The following USP22 variants were observed in gnomAD, a reference collection of about 807,000 sequenced individuals.
USP22 encodes ubiquitin carboxyl-terminal hydrolase 22.
Under a neutral mutation model 68.1 loss-of-function variants are expected in USP22, and 22 were observed. The observed-to-expected ratio is 0.32, with a 90% CI of 0.23 to 0.46. The LOEUF (loss-of-function observed/expected upper bound fraction) is 0.46. Among genes scored for constraint, USP22 ranks in the 20% least tolerant of loss-of-function variants. The probability of loss-of-function intolerance (pLI) is 1.00; values close to 1 mark genes in which losing one functional copy is unlikely to be tolerated. For synonymous variants in USP22, 279 were observed against 274.2 expected, an observed-to-expected ratio of 1.02 and a Z score of -0.17; for missense variants, 433 against 695.8, an observed-to-expected ratio of 0.62 and a Z score of 4.25.
chr17:21,029,975 G>T (rs1330500576), intron 1 of USP22, among the ~76,000 whole-genome samples: 1 of 152,214 alleles, frequency 6.6e-6, no homozygotes, highest in Non-Finnish European at 1.5e-5. Flanking sequence ...GTTGCTGAAT[G>T]ATTCCTCTAA....
intron 10 of USP22, 116 bp downstream of exon 10, chr17:21,006,780 G>A (rs1246230326): frequency 1.5e-5 from 11 of 753,882 alleles, no homozygotes; most frequent in Admixed American, 3.6e-5. Flanking sequence ...TGGGATTACA[G>A]GCGGGAGCCA....
At chr17:21,037,019 G>A (rs1972366451) in intron 1 of USP22, among the ~76,000 whole-genome samples, 1 of 152,296 alleles carries the variant, frequency 6.6e-6, no homozygotes, top group South Asian at 2.1e-4. Flanking sequence ...AAGTAAGGAA[G>A]TGCTCAAAAA....
chr17:21,020,386 G>C (rs1373622987), intron 3 of USP22, among the ~76,000 whole-genome samples: 1 of 152,182 alleles, frequency 6.6e-6, no homozygotes, highest in Non-Finnish European at 1.5e-5. Context: ...GGTGGCGACG[G>C]CAAGTGCAAA....
At chr17:21,038,356 G>A (rs1299577487) in intron 1 of USP22, among the ~76,000 whole-genome samples, 1 of 152,142 alleles carries the variant, frequency 6.6e-6, no homozygotes, top group Non-Finnish European at 1.5e-5. Context: ...ACCTGGCTGA[G>A]CCAGTAAAGA....
intron 1 of USP22, among the ~76,000 whole-genome samples, chr17:21,037,334 T>C (rs1972369856): frequency 6.6e-6 from 1 of 152,164 alleles, no homozygotes; most frequent in Admixed American, 6.5e-5. Flanking sequence ...GTGACTCCCT[T>C]CTATTATAAA....
chr17:21,000,614 G>A lies in USP22; in HGVS notation c.*2417C>T, dbSNP rs1253564961. The A allele has an allele frequency of 6.6e-6, 1 of 152,230 alleles. No homozygotes were observed. The highest frequency in any genetic ancestry group is 2.4e-5 in the African/African-American group (1 of 41,442). The allele number at this position is 152,230 out of a possible 1,614,324, so 9.4% of individuals were successfully genotyped here. A position where few individuals can be genotyped will look rare whatever the true frequency, so the allele number is the denominator to read the frequency against. ...GGGAGGCAGGGTCTGGCCAAACCCA[G>A]GCAGCTGCCAGAAAGCCTTCTGCAC... On this transcript the variant is annotated 3_prime_UTR_variant, in exon 13 of 13. Transcript: ENST00000261497.
At position 21,014,642 on chromosome 17, in the gene USP22, G is replaced by A. The variant is rs370938364; in HGVS notation, c.838+1110C>T. ...CAGAACCCATAGGTTGTACGTAAGC[G>A]CCTAGGGCCCGGGTGCACAGCCTTG... On this transcript the variant is annotated intron_variant, in intron 6 of 12. Transcript: ENST00000261497. Among the ~76,000 whole-genome samples the A allele has an allele frequency of 3.3e-5, 5 of 152,292 alleles. No individual in the cohort carries two copies. The East Asian group carries it at 9.7e-4, about 29-fold the overall frequency.
intron 1 of USP22, among the ~76,000 whole-genome samples, chr17:21,030,534 C>T (rs759565728): frequency 6.6e-5 from 10 of 152,188 alleles, no homozygotes; most frequent in South Asian, 2.1e-4. Flanking sequence ...CTCTGGCCAA[C>T]GCCACCCTAA....
In USP22 at chr17:21,002,166, G is replaced by T; in HGVS notation, c.*865C>A. The T allele has an allele frequency of 6.6e-6, 1 of 152,452 alleles. No individual in the cohort carries two copies. Among genetic ancestry groups the T allele is most frequent in the Non-Finnish European group, 1.5e-5 (1 of 68,124 alleles). 9.4% of individuals were successfully genotyped at this position (152,452 alleles called of 1,614,324 possible). On this transcript the variant is annotated 3_prime_UTR_variant, in exon 13 of 13. Coordinates refer to ENST00000261497, the MANE Select transcript of USP22 (RefSeq NM_015276.2). ...AGCTGCAGCACAACTCTCCTCCGCT[G>T]CGCCCACTGCCAGCCACCAGCAGAC...
intron 1 of USP22, among the ~76,000 whole-genome samples, chr17:21,032,421 C>T (rs1972301547): frequency 6.6e-6 from 1 of 152,200 alleles, no homozygotes; most frequent in Non-Finnish European, 1.5e-5. Flanking sequence ...GAGGCAGACA[C>T]AGGAGTAAGG....
chr17:21,001,405 G>A lies in USP22; in HGVS notation c.*1626C>T, dbSNP rs1913572761. 1.3e-5 allele frequency: 2 copies of A among 152,134 alleles called. No individual in the cohort carries two copies. The highest frequency in any genetic ancestry group is 2.9e-5 in the Non-Finnish European group (2 of 68,038). The allele number at this position is 152,134 out of a possible 1,614,324, so 9.4% of individuals were successfully genotyped here. On this transcript the variant is annotated 3_prime_UTR_variant, in exon 13 of 13. Coordinates refer to ENST00000261497, the MANE Select transcript of USP22 (RefSeq NM_015276.2). Reference sequence around the variant, plus strand: ...AAGGAGCTGGGTCTGGTCCCCACCAGCTTCTCCATGGCCTGTGAGCTAAGA... The same window carrying A: ...AAGGAGCTGGGTCTGGTCCCCACCAACTTCTCCATGGCCTGTGAGCTAAGA...
intron 1 of USP22, 32 bp downstream of exon 1, chr17:21,042,633 G>A (rs1802338180): frequency 7.9e-7 from 1 of 1,259,028 alleles, no homozygotes; most frequent in South Asian, 2.8e-5. Flanking sequence ...AGAAGGCCCC[G>A]AGCCCGCCGC....
chr17:21,038,089 G>A (rs1972379464), intron 1 of USP22, among the ~76,000 whole-genome samples: 1 of 152,168 alleles, frequency 6.6e-6, no homozygotes, highest in Non-Finnish European at 1.5e-5. Context: ...AAAATAAAAA[G>A]TAAATTCCTC....
chr17:21,018,443 C>A, intron 4 of USP22: 1 of 184,554 alleles, frequency 5.4e-6, no homozygotes, highest in Non-Finnish European at 1.1e-5. Context: ...AGGGCCAGGG[C>A]AGGGGCTCAT....
intron 11 of USP22, 103 bp downstream of exon 11, chr17:21,004,825 T>A (rs1260823270): frequency 6.8e-6 from 9 of 1,321,128 alleles, no homozygotes; most frequent in Non-Finnish European, 8.5e-6. Context: ...GGGAAGCAGG[T>A]CAGTGGCGGG....
intron 10 of USP22, chr17:21,006,597 T>C (rs7221757): frequency 0.75 from 118,695 of 159,164 alleles, 44,789 homozygotes; most frequent in South Asian, 0.82. Context: ...CTCCACCTCC[T>C]GGGTTCAAGC....
At chr17:21,036,030 C>CAAAAAAAAAAAA (rs35324126) in intron 1 of USP22, among the ~76,000 whole-genome samples, 43 of 59,638 alleles carry the variant, frequency 7.2e-4, no homozygotes, top group African/African-American at 3.6e-3. Flanking sequence ...GACTCCGTCT[C>CAAAAAAAAAAAA]AAAAAAAAAA....
At chr17:21,015,691 C>G in intron 6 of USP22, 61 bp downstream of exon 6, 1 of 1,540,656 alleles carries the variant, frequency 6.5e-7, no homozygotes, top group Non-Finnish European at 8.7e-7. Flanking sequence ...ACTCGCTTTG[C>G]TTCCTTCCCC....
At chr17:21,014,231 A>AT (rs1914062378) in intron 6 of USP22, among the ~76,000 whole-genome samples, 1 of 152,252 alleles carries the variant, frequency 6.6e-6, no homozygotes, top group South Asian at 2.1e-4. Context: ...CTTTTCAGAC[A>AT]TTTCCAAGGG....
Sources: gnomAD v4.1 joint callset for allele counts (sites outside exome capture counted in the v4.1 genomes callset) on GRCh38, gnomAD v4.1.1 for gene constraint, MANE v1.5 for transcripts, NCBI Gene and HGNC (gene_info 2026-07-23, HGNC 2026-07-21) for gene names.